SLC38A1: variants seen among roughly 807,000 people sequenced by gnomAD.
SLC38A1 encodes sodium-coupled neutral amino acid symporter 1.
A neutral mutation model predicts 60.3 loss-of-function variants in SLC38A1; 18 were observed. The observed-to-expected ratio is 0.30, with a 90% confidence interval of 0.21 to 0.44. The LOEUF is 0.44. Ranked by LOEUF, SLC38A1 falls within the 20% of genes least tolerant of loss-of-function variation. The probability of loss-of-function intolerance (pLI) is 1.00; values close to 1 mark genes in which losing one functional copy is unlikely to be tolerated. For missense variants in SLC38A1, 448 were observed against 587.2 expected (o/e 0.76, Z 2.45); for synonymous variants, 196 against 212.1 (o/e 0.92, Z 0.66).
intron 5 of SLC38A1, among the ~76,000 whole-genome samples, chr12:46,214,600 A>G (rs949781236): frequency 1.3e-5 from 2 of 152,250 alleles, no homozygotes; most frequent in African/African-American, 4.8e-5. Flanking sequence ...TGATTTCACA[A>G]CTGTATTTGG....
At chr12:46,240,199 T>C (rs945275641) in intron 2 of SLC38A1, among the ~76,000 whole-genome samples, 2 of 152,096 alleles carry the variant, frequency 1.3e-5, no homozygotes, top group African/African-American at 4.8e-5. Flanking sequence ...TGAAGCAGTG[T>C]TGTTGTTGTT....
At chr12:46,197,117 T>C (rs948821010) in intron 16 of SLC38A1, among the ~76,000 whole-genome samples, 2 of 152,152 alleles carry the variant, frequency 1.3e-5, no homozygotes, top group Non-Finnish European at 2.9e-5. Flanking sequence ...CACTGTCCTA[T>C]AGAGACACAG....
chr12:46,217,223 T>A (rs1940453393), intron 5 of SLC38A1, among the ~76,000 whole-genome samples: 1 of 152,182 alleles, frequency 6.6e-6, no homozygotes, highest in Non-Finnish European at 1.5e-5. Context: ...AAGTATTTTG[T>A]CTAAGGTCAC....
chr12:46,202,202 A>T (rs1939692535), intron 12 of SLC38A1, among the ~76,000 whole-genome samples: 1 of 144,196 alleles, frequency 6.9e-6, no homozygotes, highest in Non-Finnish European at 1.5e-5. Context: ...AAAAAAAAAA[A>T]AATAAATAAA....
At position 46,268,890 on chromosome 12, in the gene SLC38A1, C is replaced by A. The variant is rs1942454475; in HGVS notation, c.-573G>T. 2.2e-6 allele frequency: 1 copy of A among 455,944 alleles called. No individual in the cohort carries two copies. The highest frequency in any genetic ancestry group is 4.4e-6 in the Non-Finnish European group (1 of 226,522). The allele number at this position is 455,944 out of a possible 1,614,324, so 28.2% of individuals were successfully genotyped here. On this transcript the variant is annotated 5_prime_UTR_variant, in exon 1 of 17. Transcript: ENST00000398637. The surrounding 1 kb of genome is among the most constrained non-coding windows in gnomAD (Gnocchi z 4.4). Reference sequence around the variant, plus strand: ...ATCGACATGCACCGGCGCTGAGGGTCACGAATCGGAGTCATTCTCCTACTG... The same window carrying A: ...ATCGACATGCACCGGCGCTGAGGGTAACGAATCGGAGTCATTCTCCTACTG...
rs1032944600 is a variant in SLC38A1, at chr12:46,207,681, T to G, written c.389-60A>C. ...GACAGGGTTCAGAAAGTTAAAATAG[T>G]CAAGATTTTGTCATTCTATTGACTG... On this transcript the variant is annotated intron_variant, in intron 6 of 16. Coordinates refer to ENST00000398637, the MANE Select transcript of SLC38A1 (RefSeq NM_030674.4). 18 of 1,487,234 alleles carry G rather than the reference T, an allele frequency of 1.2e-5. No homozygotes were observed. In the African/African-American group the frequency reaches 2.5e-4, roughly 21 times the overall value. The allele number at this position is 1,487,234 out of a possible 1,614,324, so 92.1% of individuals were successfully genotyped here.
At chr12:46,215,379 C>T (rs1477136747) in intron 5 of SLC38A1, among the ~76,000 whole-genome samples, 1 of 152,144 alleles carries the variant, frequency 6.6e-6, no homozygotes, top group Non-Finnish European at 1.5e-5. Context: ...AAAGTAAGAT[C>T]TCATCTGCTT....
At chr12:46,263,741 T>G (rs1942270203) in intron 1 of SLC38A1, among the ~76,000 whole-genome samples, 1 of 152,134 alleles carries the variant, frequency 6.6e-6, no homozygotes, top group South Asian at 2.1e-4. Context: ...TAAATCTTCA[T>G]GTGGCTCTGG....
chr12:46,252,920 A>G (rs1339419014), intron 1 of SLC38A1, among the ~76,000 whole-genome samples: 1 of 151,980 alleles, frequency 6.6e-6, no homozygotes, highest in African/African-American at 2.4e-5. Context: ...TCTGGAGGAC[A>G]TAATGGTAAG....
rs573079476 is a variant in SLC38A1, at chr12:46,239,872, C to A, written c.-72G>T. The A allele has an allele frequency of 4.7e-5, 71 of 1,509,934 alleles. No homozygotes were observed. The highest frequency in any genetic ancestry group is 7.0e-5 in the South Asian group (6 of 85,480). The allele number at this position is 1,509,934 out of a possible 1,614,324, so 93.5% of individuals were successfully genotyped here. On this transcript the variant is annotated 5_prime_UTR_variant, in exon 3 of 17. Coordinates refer to ENST00000398637, the MANE Select transcript of SLC38A1 (RefSeq NM_030674.4). ...TTCTGAGTGTATTTAGAAGTAGATA[C>A]CAAAATGGAAGCTTGACACCCCTAA...
At chr12:46,241,885 C>CGGATAGAAAGTTA (rs1411454978) in intron 2 of SLC38A1, among the ~76,000 whole-genome samples, 1 of 152,134 alleles carries the variant, frequency 6.6e-6, no homozygotes, top group Admixed American at 6.5e-5. Context: ...CAGCGGATGG[C>CGGATAGAAAGTTA]ATTTCCAATC....
chr12:46,236,880 A>T lies in SLC38A1; in HGVS notation c.122+2799T>A, dbSNP rs530372556. Among the ~76,000 whole-genome samples, 51 of 152,306 alleles carry T rather than the reference A, an allele frequency of 3.3e-4. No homozygotes were observed. In the South Asian group the frequency reaches 0.01, roughly 30 times the overall value. ...ATTTAACAAGGTTTCCAAGTGTTTC[A>T]TACACACATTAAAACACCAGTTGGC... On this transcript the variant is annotated intron_variant, in intron 3 of 16. Transcript: ENST00000398637.
chr12:46,217,530 C>CAGTATTA (rs1940469173), intron 5 of SLC38A1, among the ~76,000 whole-genome samples: 1 of 152,104 alleles, frequency 6.6e-6, no homozygotes, highest in South Asian at 2.1e-4. Flanking sequence ...ATATAAAGAA[C>CAGTATTA]TTTTCAAGTG....
intron 3 of SLC38A1, among the ~76,000 whole-genome samples, chr12:46,230,328 T>C (rs867961699): frequency 5.9e-5 from 9 of 152,094 alleles, no homozygotes; most frequent in African/African-American, 1.9e-4. Flanking sequence ...ACTAGGAAAT[T>C]ACGGTGGGAG....
chr12:46,247,972 G>C (rs1255710213), intron 1 of SLC38A1, among the ~76,000 whole-genome samples: 3 of 152,190 alleles, frequency 2.0e-5, no homozygotes, highest in Admixed American at 2.0e-4. Flanking sequence ...ATCCTTTACA[G>C]ACAAGCAAAT....
chr12:46,255,929 C>T (rs7956518), intron 1 of SLC38A1, among the ~76,000 whole-genome samples: 2,328 of 151,996 alleles, frequency 0.015, 63 homozygotes, highest in African/African-American at 0.053. Flanking sequence ...TTTGGGAGGC[C>T]GAGGCGGGTG....
chr12:46,187,781 G>GTT lies in SLC38A1; in HGVS notation c.*1188_*1189insAA, dbSNP rs1938986746. The GTT allele has an allele frequency of 9.1e-6, 1 of 110,444 alleles. No homozygotes were observed. The highest frequency in any genetic ancestry group is 3.4e-5 in the African/African-American group (1 of 29,124). 6.8% of individuals were successfully genotyped at this position (110,444 alleles called of 1,614,324 possible). ...GCTCTTCACAAAGACTATCTCTGAG[G>GTT]GTTTTTTTTTTTTTTTTTTCACAAG... On this transcript the variant is annotated 3_prime_UTR_variant, in exon 17 of 17. Coordinates refer to ENST00000398637, the MANE Select transcript of SLC38A1 (RefSeq NM_030674.4).
rs559239416 is a variant in SLC38A1 at position 46,225,605 on chromosome 12, T to C, written c.314+3548A>G. On this transcript the variant is annotated intron_variant, in intron 5 of 16. Transcript: ENST00000398637. ...TGATCTGAACAGCCAAAGAAGAGGG[T>C]CTTAGACAAATGACCCTGGTGGTTC... is the stretch of plus-strand genomic sequence containing the variant. 1.3e-4 allele frequency among the ~76,000 whole-genome samples: 20 copies of C among 152,026 alleles called. No homozygotes were observed. The South Asian group carries it at 4.1e-3, about 32-fold the overall frequency.
chr12:46,264,735 C>A (rs1650188352), intron 1 of SLC38A1, among the ~76,000 whole-genome samples: 1 of 152,030 alleles, frequency 6.6e-6, no homozygotes, highest in Non-Finnish European at 1.5e-5. Context: ...ACACATTGTA[C>A]CCAATCTGTA....
Sources: allele counts gnomAD v4.1 joint callset (sites outside exome capture counted in the v4.1 genomes callset), GRCh38; gene constraint gnomAD v4.1.1; non-coding constraint Gnocchi (gnomAD v3.1); transcripts MANE v1.5; gene names NCBI Gene and HGNC (gene_info 2026-07-23, HGNC 2026-07-21).